TIMM23: variants seen among roughly 807,000 people sequenced by gnomAD.
TIMM23 encodes translocase of inner mitochondrial membrane 23, also known as mitochondrial import inner membrane translocase subunit Tim23.
A neutral mutation model predicts 30.7 loss-of-function variants in TIMM23; 19 were observed. That is an observed-to-expected ratio of 0.62 (90% confidence interval 0.43 to 0.91). The LOEUF is 0.91. Among genes scored for constraint, TIMM23 ranks in the 40% least tolerant of loss-of-function variants. TIMM23 has a pLI of 0.00. For missense variants in TIMM23, 202 were observed against 269.2 expected, an observed-to-expected ratio of 0.75 and a Z score of 1.75; for synonymous variants, 78 against 98.5, an observed-to-expected ratio of 0.79 and a Z score of 1.23.
intron 6 of TIMM23, among the ~76,000 whole-genome samples, chr10:45,989,226 A>C (rs1838085250): frequency 6.6e-6 from 1 of 152,300 alleles, no homozygotes; most frequent in South Asian, 2.1e-4. Flanking sequence ...AGAATCATAC[A>C]ATATTTGTCC....
At chr10:45,999,491 C>G (rs1160378996) in intron 6 of TIMM23, among the ~76,000 whole-genome samples, 9 of 152,008 alleles carry the variant, frequency 5.9e-5, no homozygotes, top group Admixed American at 5.9e-4. Flanking sequence ...CATGATGCCC[C>G]ACAAGCCGCA....
rs1317647438 is a variant in TIMM23, at chr10:45,988,734, T to C, written c.404-3T>C. 2.5e-6 allele frequency: 4 copies of C among 1,613,712 alleles called. No individual in the cohort carries two copies. The African/African-American group carries it at 5.3e-5, about 22-fold the overall frequency. ...TCACTGAGCACTTCCATTTCCTCTTTAGCTTTGCTCTATAGTGCATTTGGT... is the reference window on the plus strand; with the variant it reads ...TCACTGAGCACTTCCATTTCCTCTTCAGCTTTGCTCTATAGTGCATTTGGT... On this transcript the variant is annotated splice_region_variant and splice_polypyrimidine_tract_variant and intron_variant, in intron 5 of 6. Coordinates refer to ENST00000580018, the MANE Select transcript of TIMM23 (RefSeq NM_006327.4).
At position 45,977,471 on chromosome 10, in the gene TIMM23, C is replaced by T. The variant is rs1554913308; in HGVS notation, c.165+1959C>T. On this transcript the variant is annotated intron_variant, in intron 2 of 6. Transcript: ENST00000580018. ...GCCAAGATAGTTAAGTCAGGGGAGACGTTAGGACAACTGGAATCCATATGC... is the reference window on the plus strand; with the variant it reads ...GCCAAGATAGTTAAGTCAGGGGAGATGTTAGGACAACTGGAATCCATATGC... 6.4e-4 allele frequency among the ~76,000 whole-genome samples: 98 copies of T among 152,262 alleles called. No individual in the cohort carries two copies. The Middle Eastern group carries it at 0.01, about 16-fold the overall frequency.
intron 6 of TIMM23, chr10:46,002,632 A>G (rs1838578369): frequency 2.5e-6 from 1 of 394,436 alleles, no homozygotes; most frequent in African/African-American, 2.2e-5. Flanking sequence ...CGACTGTTCT[A>G]GTTGGAACTC....
rs1357959826 is a variant in TIMM23 at position 45,998,331 on chromosome 10, A to G, written c.515-4872A>G. The G allele has an allele frequency of 8.2e-6, 8 of 979,372 alleles. No individual in the cohort carries two copies. In the East Asian group the frequency reaches 8.0e-4, roughly 98 times the overall value. The allele number at this position is 979,372 out of a possible 1,614,324, so 60.7% of individuals were successfully genotyped here. On this transcript the variant is annotated intron_variant, in intron 6 of 6. Transcript: ENST00000580018. ...TATTCTGGGCCTCATTTTCTCATGT[A>G]TAGAAGAGGTGGTGCTTGCCTATCG...
rs1554912869 is a variant in TIMM23, at chr10:45,975,507, G to A, written c.160G>A (p.Val54Met). ...TTTAAATGTGGATCCACGATACCTCGTGCAGGTAAGATTAAGATTTTACTA... is the reference window on the plus strand; with the variant it reads ...TTTAAATGTGGATCCACGATACCTCATGCAGGTAAGATTAAGATTTTACTA... ...PYLNVDPRYL[V>M]QDTDEFILPT... The change falls in exon 2 of 7, where the codon GTG becomes ATG. Residue 54 changes from valine (V) to methionine (M), a missense_variant. Val to Met is a conservative substitution (Grantham distance 21). Coordinates refer to ENST00000580018, the MANE Select transcript of TIMM23 (RefSeq NM_006327.4). 21 of 1,613,778 alleles carry A rather than the reference G, an allele frequency of 1.3e-5. No individual in the cohort carries two copies. The East Asian group carries it at 2.2e-4, about 17-fold the overall frequency.
At chr10:45,979,961 C>T (rs1215112244) in intron 2 of TIMM23, among the ~76,000 whole-genome samples, 1 of 152,006 alleles carries the variant, frequency 6.6e-6, no homozygotes, top group Non-Finnish European at 1.5e-5. Flanking sequence ...TGTGGCCCTG[C>T]ATTGCTAGGT....
At chr10:45,980,567 C>T (rs1336541508) in intron 2 of TIMM23, among the ~76,000 whole-genome samples, 1 of 151,890 alleles carries the variant, frequency 6.6e-6, no homozygotes, top group African/African-American at 2.4e-5. Context: ...ATATTTTTAA[C>T]ATCCATAGTG....
chr10:45,998,286 C>T, intron 6 of TIMM23: 3 of 691,170 alleles, frequency 4.3e-6, no homozygotes, highest in Non-Finnish European at 3.6e-6. Context: ...ACCCTATATC[C>T]CACAAACAAG....
At chr10:45,979,589 G>A (rs1431786153) in intron 2 of TIMM23, among the ~76,000 whole-genome samples, 5 of 134,654 alleles carry the variant, frequency 3.7e-5, no homozygotes, top group Non-Finnish European at 7.8e-5. Flanking sequence ...TTACAGGCAT[G>A]AGCCACCATG....
chr10:45,987,075 A>G (rs1257976775), intron 5 of TIMM23, among the ~76,000 whole-genome samples: 3 of 152,094 alleles, frequency 2.0e-5, no homozygotes, highest in African/African-American at 7.2e-5. Context: ...CATTATATGA[A>G]AAGTCCCTCT....
intron 2 of TIMM23, among the ~76,000 whole-genome samples, chr10:45,980,869 G>A (rs1837819767): frequency 6.7e-6 from 1 of 150,018 alleles, no homozygotes; most frequent in Non-Finnish European, 1.5e-5. Context: ...AGGAGAATGA[G>A]TTGGTGCTAA....
intron 1 of TIMM23, 56 bp downstream of exon 1, chr10:45,972,786 A>C (rs1837533214): frequency 6.3e-7 from 1 of 1,599,058 alleles, no homozygotes; most frequent in South Asian, 1.1e-5. Flanking sequence ...GTCTACACTA[A>C]GTTGCGCGTC....
At position 45,982,852 on chromosome 10, in the gene TIMM23, C is replaced by T. The variant is rs1837887090; in HGVS notation, c.266C>T (p.Ala89Val). 1.1e-5 allele frequency: 18 copies of T among 1,613,620 alleles called. No homozygotes were observed. The East Asian group carries it at 2.2e-4, about 20-fold the overall frequency. ...AATTGTTATGATTTACCAGGGGCTGCGTTTGGTGCAATGAATGGTCTTCGG... is the reference window on the plus strand; with the variant it reads ...AATTGTTATGATTTACCAGGGGCTGTGTTTGGTGCAATGAATGGTCTTCGG... ...TIGGCCMTGAAFGAMNGLRLG... is the reference protein window; with the variant it reads ...TIGGCCMTGAVFGAMNGLRLG... The change falls in exon 4 of 7, where the codon GCG becomes GTG. Residue 89 changes from alanine to valine, a missense_variant. Physicochemically the swap from Ala to Val is moderately conservative, Grantham distance 64. Coordinates refer to ENST00000580018, the MANE Select transcript of TIMM23 (RefSeq NM_006327.4).
chr10:45,988,295 C>T (rs1838057231), intron 5 of TIMM23, among the ~76,000 whole-genome samples: 1 of 152,314 alleles, frequency 6.6e-6, no homozygotes, highest in African/African-American at 2.4e-5. Context: ...ATTTCTTCTT[C>T]CTGGGTATGG....
chr10:45,995,497 A>G (rs1439047085), intron 6 of TIMM23, among the ~76,000 whole-genome samples: 2 of 137,878 alleles, frequency 1.5e-5, no homozygotes, highest in Non-Finnish European at 3.1e-5. Flanking sequence ...AAGAAGCTGG[A>G]ATCCCAGATT....
chr10:46,000,866 C>A (rs558786341), intron 6 of TIMM23, among the ~76,000 whole-genome samples: 3 of 152,334 alleles, frequency 2.0e-5, no homozygotes, highest in Admixed American at 1.3e-4. Flanking sequence ...AGCATTTTTC[C>A]ACTGACAAAC....
chr10:45,976,905 A>G (rs587734471), intron 2 of TIMM23, among the ~76,000 whole-genome samples: 7 of 152,362 alleles, frequency 4.6e-5, no homozygotes, highest in African/African-American at 1.7e-4. Flanking sequence ...TGTTAAAACT[A>G]ATGATCGAGT....
chr10:45,988,838 A>G lies in TIMM23; in HGVS notation c.505A>G (p.Lys169Glu), dbSNP rs1838073394. Residue 169 changes from lysine (K) to glutamate (E), a missense_variant, in exon 6 of 7, where the codon AAA becomes GAA. Physicochemically the swap from Lys to Glu is moderately conservative, Grantham distance 56 (BLOSUM62 1). Transcript: ENST00000580018. ...AAGTMTGMLY[K>E]CTGGLRGIAR... ...TGGAACCATGACAGGCATGTTGTAT[A>G]AATGTACAGGTGAGTACTGTTGAAT... is the stretch of plus-strand genomic sequence containing the variant. 6.2e-7 allele frequency: 1 copy of G among 1,612,932 alleles called. No individual in the cohort carries two copies. The highest frequency in any genetic ancestry group is 2.2e-5 in the East Asian group (1 of 44,866).
Sources: allele counts gnomAD v4.1 joint callset (sites outside exome capture counted in the v4.1 genomes callset), GRCh38; gene constraint gnomAD v4.1.1; transcripts MANE v1.5; gene names NCBI Gene and HGNC (gene_info 2026-07-23, HGNC 2026-07-21).